The following STPG2 variants were observed in gnomAD, a reference collection of about 807,000 sequenced individuals.
STPG2 encodes sperm tail PG-rich repeat containing 2.
Under a neutral mutation model 54.2 loss-of-function variants are expected in STPG2, and 56 were observed. The observed-to-expected ratio is 1.03, with a 90% CI of 0.83 to 1.29. The LOEUF (loss-of-function observed/expected upper bound fraction) is 1.29, where lower values mean the gene tolerates loss of function less well. Ranked by LOEUF, STPG2 falls within the 50% of genes most tolerant of loss-of-function variation. The pLI is 0.00. For synonymous variants in STPG2, 200 were observed against 181.8 expected (o/e 1.10, Z -0.81); for missense variants, 596 against 544.9 (o/e 1.09, Z -0.93).
At chr4:98,016,319 T>G (rs1335758797) in intron 5 of STPG2, among the ~76,000 whole-genome samples, 1 of 152,248 alleles carries the variant, frequency 6.6e-6, no homozygotes, top group Non-Finnish European at 1.5e-5. Flanking sequence ...CTTTCCAAAT[T>G]CAGGAATTCT....
At chr4:97,819,908 C>G (rs1329893714) in intron 9 of STPG2, among the ~76,000 whole-genome samples, 2 of 151,844 alleles carry the variant, frequency 1.3e-5, no homozygotes, top group Non-Finnish European at 2.9e-5. Context: ...ACAGGCATAC[C>G]TCATTTTATT....
intron 10 of STPG2, among the ~76,000 whole-genome samples, chr4:97,627,846 G>A (rs1418094818): frequency 1.4e-5 from 2 of 144,290 alleles, no homozygotes; most frequent in South Asian, 2.1e-4. Flanking sequence ...ACTGGTTGAT[G>A]TAATTCTGAG....
intron 4 of STPG2, among the ~76,000 whole-genome samples, chr4:97,514,309 A>G (rs1038734850): frequency 3.9e-5 from 6 of 152,074 alleles, no homozygotes; most frequent in Admixed American, 3.3e-4. Flanking sequence ...GATGAATGAG[A>G]AAGGAGTCTG....
At chr4:98,041,159 C>A (rs10028505) in intron 5 of STPG2, among the ~76,000 whole-genome samples, 59,824 of 151,586 alleles carry the variant, frequency 0.39, 12,034 homozygotes, top group Middle Eastern at 0.46. Flanking sequence ...AGAAATGCTA[C>A]TGATTTTTGT....
intron 10 of STPG2, among the ~76,000 whole-genome samples, chr4:97,637,278 G>C (rs1721582231): frequency 6.6e-6 from 1 of 152,204 alleles, no homozygotes; most frequent in East Asian, 1.9e-4. Context: ...AAAGGCCTTT[G>C]ACAAAATTCA....
intron 4 of STPG2, among the ~76,000 whole-genome samples, chr4:97,454,244 T>G (rs1729452050): frequency 6.6e-6 from 1 of 151,958 alleles, no homozygotes; most frequent in Non-Finnish European, 1.5e-5. Context: ...CCGGGCACGG[T>G]GGCTAACGCC....
intron 5 of STPG2, among the ~76,000 whole-genome samples, chr4:98,056,356 G>A (rs1031268832): frequency 2.1e-4 from 32 of 152,160 alleles, no homozygotes; most frequent in Middle Eastern, 3.4e-3. Context: ...CTGCTTCCCC[G>A]CCAGCTGCCA....
intron 9 of STPG2, among the ~76,000 whole-genome samples, chr4:97,742,406 A>G (rs1168787538): frequency 2.0e-5 from 3 of 151,084 alleles, no homozygotes; most frequent in Non-Finnish European, 4.4e-5. Flanking sequence ...AAAAGAAAAT[A>G]AAATCAGTAC....
At chr4:97,944,340 T>C (rs1411309474) in intron 7 of STPG2, among the ~76,000 whole-genome samples, 1 of 151,868 alleles carries the variant, frequency 6.6e-6, no homozygotes, top group Non-Finnish European at 1.5e-5. Context: ...TAGCCAATTA[T>C]ATAGTATTAT....
chr4:98,058,270 T>G (rs1313482590), intron 5 of STPG2, among the ~76,000 whole-genome samples: 1 of 152,130 alleles, frequency 6.6e-6, no homozygotes, highest in East Asian at 1.9e-4. Flanking sequence ...AGTGGCAAGC[T>G]AAATAAAAAA....
chr4:97,536,841 A>T (rs1015531466), intron 4 of STPG2, among the ~76,000 whole-genome samples: 1 of 152,170 alleles, frequency 6.6e-6, no homozygotes, highest in East Asian at 1.9e-4. Flanking sequence ...ATGGAGAATG[A>T]ATTATCTGCC....
intron 5 of STPG2, among the ~76,000 whole-genome samples, chr4:98,040,889 T>C (rs1736932691): frequency 1.3e-5 from 2 of 151,880 alleles, no homozygotes; most frequent in Non-Finnish European, 2.9e-5. Context: ...AGGAATTGCA[T>C]TAAATCTGTA....
intron 10 of STPG2, among the ~76,000 whole-genome samples, chr4:97,597,203 G>A (rs1012967118): frequency 1.1e-4 from 17 of 151,804 alleles, no homozygotes; most frequent in Non-Finnish European, 2.4e-4. Flanking sequence ...CTGAGAATGC[G>A]CTAGGAAGAA....
intron 10 of STPG2, among the ~76,000 whole-genome samples, chr4:97,628,833 T>G (rs1441316532): frequency 1.3e-5 from 2 of 152,094 alleles, no homozygotes; most frequent in Non-Finnish European, 2.9e-5. Flanking sequence ...TTTACAATAT[T>G]GTCACTCATG....
chr4:98,084,384 TG>T (rs982847772), intron 5 of STPG2, among the ~76,000 whole-genome samples: 6 of 152,220 alleles, frequency 3.9e-5, no homozygotes, highest in Non-Finnish European at 7.4e-5. Context: ...GTTTTCAGTT[TG>T]GGGAAATAGT....
chr4:97,733,820 G>T (rs972856591), intron 9 of STPG2, among the ~76,000 whole-genome samples: 3 of 152,004 alleles, frequency 2.0e-5, no homozygotes, highest in Non-Finnish European at 2.9e-5. Context: ...TTCAATGTTT[G>T]CTCTCAAAGG....
At chr4:97,653,016 T>C (rs1722114429) in intron 10 of STPG2, among the ~76,000 whole-genome samples, 1 of 151,912 alleles carries the variant, frequency 6.6e-6, no homozygotes, top group East Asian at 1.9e-4. Flanking sequence ...AATTTAAATA[T>C]GTAAACAAAA....
intron 10 of STPG2, among the ~76,000 whole-genome samples, chr4:97,575,543 C>T (rs1732702269): frequency 6.6e-6 from 1 of 152,022 alleles, no homozygotes; most frequent in Non-Finnish European, 1.5e-5. Context: ...TCAATAGATG[C>T]AGAAAAAGCT....
chr4:97,795,029 C>T (rs980099215), intron 9 of STPG2, among the ~76,000 whole-genome samples: 1 of 152,128 alleles, frequency 6.6e-6, no homozygotes, highest in Non-Finnish European at 1.5e-5. Context: ...TAATGACAAT[C>T]TTCAGTTTTT....
Sources: allele counts gnomAD v4.1 joint callset (sites outside exome capture counted in the v4.1 genomes callset), GRCh38; gene constraint gnomAD v4.1.1; transcripts MANE v1.5; gene names NCBI Gene and HGNC (gene_info 2026-07-23, HGNC 2026-07-21).